Variants in RAP1B observed in about 807,000 individuals in gnomAD.
RAP1B encodes the protein ras-related protein Rap-1b.
A neutral mutation model predicts 27.5 loss-of-function variants in RAP1B; 1 was observed. The observed-to-expected ratio is 0.04, with a 90% CI of 0.01 to 0.17. The LOEUF (loss-of-function observed/expected upper bound fraction) is 0.17, where lower values mean the gene tolerates loss of function less well. RAP1B is among the 10% of genes least tolerant of loss of function. The pLI, the probability that RAP1B is intolerant of heterozygous loss-of-function variation, is 1.00. For synonymous variants in RAP1B, 75 were observed against 73.1 expected (o/e 1.03, Z -0.13); for missense variants, 84 against 214.8 (o/e 0.39, Z 3.81).
At chr12:68,644,812 C>T (rs1873284659) in intron 1 of RAP1B, among the ~76,000 whole-genome samples, 1 of 149,352 alleles carries the variant, frequency 6.7e-6, no homozygotes, top group Non-Finnish European at 1.5e-5. Context: ...CCTCAGCCTT[C>T]CGAGTAAGTA....
intron 1 of RAP1B, among the ~76,000 whole-genome samples, chr12:68,633,885 C>A (rs993814830): frequency 5.3e-5 from 8 of 151,982 alleles, no homozygotes; most frequent in African/African-American, 1.9e-4. Context: ...AACAAAAAAA[C>A]TTAACATCTC....
intron 1 of RAP1B, among the ~76,000 whole-genome samples, chr12:68,617,539 G>C (rs1424221606): frequency 2.0e-5 from 3 of 152,122 alleles, no homozygotes; most frequent in African/African-American, 7.2e-5. Context: ...TCTTTTTGAC[G>C]TTCTTACCAA....
At chr12:68,653,348 G>T (rs1380229057) in intron 4 of RAP1B, among the ~76,000 whole-genome samples, 1 of 151,980 alleles carries the variant, frequency 6.6e-6, no homozygotes, top group African/African-American at 2.4e-5. Context: ...TTGAATACCT[G>T]ATACATGTCA....
At chr12:68,640,179 T>C (rs1872898559) in intron 1 of RAP1B, among the ~76,000 whole-genome samples, 1 of 152,116 alleles carries the variant, frequency 6.6e-6, no homozygotes, top group Admixed American at 6.6e-5. Context: ...CAAAGCCTAA[T>C]GGTAGTCTTT....
chr12:68,613,389 TAA>T (rs34380580), intron 1 of RAP1B, among the ~76,000 whole-genome samples: 44 of 123,316 alleles, frequency 3.6e-4, no homozygotes, highest in African/African-American at 8.0e-4. Context: ...AGACCTGTCT[TAA>T]AAAAAAAAAA....
intron 1 of RAP1B, among the ~76,000 whole-genome samples, chr12:68,636,365 G>A (rs1872631871): frequency 1.3e-5 from 2 of 152,196 alleles, no homozygotes; most frequent in African/African-American, 4.8e-5. Context: ...TAACACTAGA[G>A]TTTCTGCTGC....
chr12:68,668,213 C>T lies in RAP1B; in HGVS notation c.*8964C>T, dbSNP rs1385359650. 6.6e-6 allele frequency: 1 copy of T among 152,202 alleles called. No individual in the cohort carries two copies. The highest frequency in any genetic ancestry group is 1.9e-4 in the East Asian group (1 of 5,192). 9.4% of individuals were successfully genotyped at this position (152,202 alleles called of 1,614,324 possible). A position where few individuals can be genotyped will look rare whatever the true frequency, so the allele number is the denominator to read the frequency against. The stretch of plus-strand genomic sequence containing the variant: ...AAGAGGATAGGTCTCAGTATGTCAT[C>T]CAAACAGGATGGATACAGAATGCCA... On this transcript the variant is annotated 3_prime_UTR_variant, in exon 8 of 8. Transcript: ENST00000250559.
At chr12:68,627,326 A>T (rs995371915) in intron 1 of RAP1B, 7 of 759,756 alleles carry the variant, frequency 9.2e-6, no homozygotes, top group Non-Finnish European at 1.7e-5. Context: ...GCCATTGCAC[A>T]CTGGGCCCCC....
chr12:68,617,819 A>C (rs1302643718), intron 1 of RAP1B, among the ~76,000 whole-genome samples: 1 of 151,932 alleles, frequency 6.6e-6, no homozygotes, highest in Non-Finnish European at 1.5e-5. Flanking sequence ...GCTGGAGTGC[A>C]GTGGCACAAA....
chr12:68,613,424 A>G lies in RAP1B; in HGVS notation c.-27+2381A>G, dbSNP rs534265362. Reference sequence around the variant, plus strand: ...AAAAAAAAAAGGAGATAAGAAAATGATTGCTCTGCTCTCTTTTACATTCTC... The same window carrying G: ...AAAAAAAAAAGGAGATAAGAAAATGGTTGCTCTGCTCTCTTTTACATTCTC... On this transcript the variant is annotated intron_variant, in intron 1 of 7. Coordinates refer to ENST00000250559, the MANE Select transcript of RAP1B (RefSeq NM_001010942.3). 2.7e-5 allele frequency among the ~76,000 whole-genome samples: 4 copies of G among 149,754 alleles called. No homozygotes were observed. In the East Asian group the frequency reaches 5.9e-4, roughly 22 times the overall value.
intron 4 of RAP1B, among the ~76,000 whole-genome samples, chr12:68,653,558 G>A (rs1873971771): frequency 6.6e-6 from 1 of 152,026 alleles, no homozygotes; most frequent in Non-Finnish European, 1.5e-5. Context: ...AGTAACTTTT[G>A]GGGACAGGAT....
In RAP1B at chr12:68,670,702, C is replaced by G. The variant is rs1284793046; in HGVS notation, c.*11453C>G. 1 of 152,094 alleles carries G rather than the reference C, an allele frequency of 6.6e-6. No homozygotes were observed. The highest frequency in any genetic ancestry group is 1.9e-4 in the East Asian group (1 of 5,198). 9.4% of individuals were successfully genotyped at this position (152,094 alleles called of 1,614,324 possible). ...AATTTGGCAAAATATATTGCAAAGTCAAATTTGGGAAAGTATAGCACAGAT... is the reference window on the plus strand; with the variant it reads ...AATTTGGCAAAATATATTGCAAAGTGAAATTTGGGAAAGTATAGCACAGAT... On this transcript the variant is annotated 3_prime_UTR_variant, in exon 8 of 8. Coordinates refer to ENST00000250559, the MANE Select transcript of RAP1B (RefSeq NM_001010942.3).
intron 1 of RAP1B, among the ~76,000 whole-genome samples, chr12:68,623,086 TTGATC>T (rs1233746604): frequency 6.6e-6 from 1 of 152,258 alleles, no homozygotes; most frequent in Non-Finnish European, 1.5e-5. Flanking sequence ...TGAGGACTAT[TTGATC>T]TGATTGCATG....
rs1874951835 is a variant in RAP1B at position 68,668,772 on chromosome 12, A to G, written c.*9523A>G. ...AAAACCAGCAAATGATAGCTTACTT[A>G]TTCAGTTATTTGGCTTGATACTGCT... On this transcript the variant is annotated 3_prime_UTR_variant, in exon 8 of 8. Transcript: ENST00000250559. 6.6e-6 allele frequency: 1 copy of G among 152,196 alleles called. No individual in the cohort carries two copies. The highest frequency in any genetic ancestry group is 2.1e-4 in the South Asian group (1 of 4,822). The allele number at this position is 152,196 out of a possible 1,614,324, so 9.4% of individuals were successfully genotyped here. A position where few individuals can be genotyped will look rare whatever the true frequency, so the allele number is the denominator to read the frequency against.
At chr12:68,616,161 A>G (rs1050217075) in intron 1 of RAP1B, among the ~76,000 whole-genome samples, 2 of 151,602 alleles carry the variant, frequency 1.3e-5, no homozygotes, top group East Asian at 3.9e-4. Flanking sequence ...ACGGGGTTTC[A>G]CTGTGTTAGC....
Position 68,632,567 on chromosome 12 carries a change from TTTGAC to T in RAP1B, c.-26-16130_-26-16126del, listed in dbSNP as rs528074858. Among the ~76,000 whole-genome samples the T allele has an allele frequency of 2.5e-3, 382 of 152,192 alleles. 3 individuals carry two copies. Among genetic ancestry groups the T allele is most frequent in the Middle Eastern group, 0.014 (4 of 294 alleles). ...AAAAAAGGCCAAAATGTGGGAAAAT[TTTGAC>T]TAAAGTTGAAAAAGAATGATGTCCT... is the stretch of plus-strand genomic sequence containing the variant. On this transcript the variant is annotated intron_variant, in intron 1 of 7. Transcript: ENST00000250559.
rs1453255983 is a variant in RAP1B, at chr12:68,662,190, G to T, written c.*2941G>T. On this transcript the variant is annotated 3_prime_UTR_variant, in exon 8 of 8. Transcript: ENST00000250559. The stretch of plus-strand genomic sequence containing the variant: ...TTTTCTCCTATACAAAATAGTAACT[G>T]CAGTTTGGGAGCACAACTCATGTAG... The T allele has an allele frequency of 6.6e-6, 1 of 151,332 alleles. No individual in the cohort carries two copies. Among genetic ancestry groups the T allele is most frequent in the Non-Finnish European group, 1.5e-5 (1 of 67,860 alleles). The allele number at this position is 151,332 out of a possible 1,614,324, so 9.4% of individuals were successfully genotyped here.
intron 1 of RAP1B, among the ~76,000 whole-genome samples, chr12:68,631,992 ACT>A (rs1028557019): frequency 1.3e-5 from 2 of 150,908 alleles, no homozygotes; most frequent in African/African-American, 4.9e-5. Context: ...ACCGTTGGTC[ACT>A]CTGATTCCAC....
chr12:68,658,089 C>T (rs993817431), intron 7 of RAP1B, among the ~76,000 whole-genome samples: 14 of 152,224 alleles, frequency 9.2e-5, no homozygotes, highest in Non-Finnish European at 1.6e-4. Context: ...ATGGTTTCCT[C>T]TTCAGCTGTC....
Sources: gnomAD v4.1 joint callset for allele counts (sites outside exome capture counted in the v4.1 genomes callset) on GRCh38, gnomAD v4.1.1 for gene constraint, MANE v1.5 for transcripts, NCBI Gene and HGNC (gene_info 2026-07-23, HGNC 2026-07-21) for gene names.